The following FAT4 variants were observed in gnomAD, a reference collection of about 807,000 sequenced individuals.
The protein encoded by FAT4 is protocadherin Fat 4.
Under a neutral mutation model 303.9 loss-of-function variants are expected in FAT4, and 84 were observed. The ratio of observed to expected loss-of-function variants is 0.28; its 90% confidence interval spans 0.23 to 0.33. FAT4 has a LOEUF of 0.33. FAT4 is among the 10% of genes least tolerant of loss of function. The probability of loss-of-function intolerance (pLI) is 1.00; values close to 1 mark genes in which losing one functional copy is unlikely to be tolerated. For missense variants in FAT4, 6,005 were observed against 6,146.8 expected (o/e 0.98, Z 0.77); for synonymous variants, 2,307 against 2,298.8 (o/e 1.00, Z -0.10).
chr4:125,317,088 G>A lies in FAT4; in HGVS notation c.677G>A (p.Gly226Asp). The change falls in exon 2 of 18, where the codon GGT (glycine) becomes GAT (aspartate). Residue 226 changes from glycine (G) to aspartate (D), a missense_variant. Transcript: ENST00000394329. The surrounding 1 kb of genome is among the most constrained non-coding windows in gnomAD (Gnocchi z 7.0). ...YQLLVEVEDKGEPKRRGYLQV... is the reference protein window; with the variant it reads ...YQLLVEVEDKDEPKRRGYLQV... The stretch of plus-strand genomic sequence containing the variant: ...CTCCTGGTTGAGGTGGAGGACAAGG[G>A]TGAGCCTAAGCGGCGGGGCTACCTT... The A allele has an allele frequency of 6.2e-7, 1 of 1,613,978 alleles. No homozygotes were observed. Among genetic ancestry groups the A allele is most frequent in the South Asian group, 1.1e-5 (1 of 91,084 alleles).
Position 125,414,879 on chromosome 4 carries a change from T to C in FAT4, c.5921-5T>C, listed in dbSNP as rs1182128871. 1 of 1,567,624 alleles carries C rather than the reference T, an allele frequency of 6.4e-7. No individual in the cohort carries two copies. Among genetic ancestry groups the C allele is most frequent in the Non-Finnish European group, 8.7e-7 (1 of 1,153,822 alleles). ...AAGAAAATTTTTTCTTCCCTTTAATTTCAGGCATCAACTCTCAATTGACTT... is the reference window on the plus strand; with the variant it reads ...AAGAAAATTTTTTCTTCCCTTTAATCTCAGGCATCAACTCTCAATTGACTT... On this transcript the variant is annotated splice_region_variant and splice_polypyrimidine_tract_variant and intron_variant, in intron 5 of 17. Coordinates refer to ENST00000394329, the MANE Select transcript of FAT4 (RefSeq NM_001291303.3).
At chr4:125,382,850 T>C (rs1733594128) in intron 2 of FAT4, among the ~76,000 whole-genome samples, 1 of 152,238 alleles carries the variant, frequency 6.6e-6, no homozygotes, top group Non-Finnish European at 1.5e-5. Flanking sequence ...TCTTGCAGCT[T>C]GTACATCAGC....
At chr4:125,464,787 G>A (rs1171786426) in intron 11 of FAT4, among the ~76,000 whole-genome samples, 1 of 151,940 alleles carries the variant, frequency 6.6e-6, no homozygotes, top group Non-Finnish European at 1.5e-5. Context: ...TTGTCCTTGC[G>A]ATAGTTTGCT....
chr4:125,466,941 AT>A (rs1185770998), intron 11 of FAT4, among the ~76,000 whole-genome samples: 72 of 150,302 alleles, frequency 4.8e-4, no homozygotes, highest in East Asian at 1.4e-3. Context: ...TGCCCGGCTA[AT>A]TTTTTTTTGT....
intron 2 of FAT4, among the ~76,000 whole-genome samples, chr4:125,358,597 C>CA (rs1732527481): frequency 6.6e-6 from 1 of 152,074 alleles, no homozygotes; most frequent in Non-Finnish European, 1.5e-5. Flanking sequence ...GCTGATCTGA[C>CA]AGGAGGCAGA....
chr4:125,364,547 A>T (rs532442405), intron 2 of FAT4, among the ~76,000 whole-genome samples: 95 of 152,166 alleles, frequency 6.2e-4, no homozygotes, highest in Non-Finnish European at 1.0e-3. Flanking sequence ...GAGTCACTAA[A>T]GGAGTCTCGG....
chr4:125,395,491 G>C (rs534835597), intron 2 of FAT4, among the ~76,000 whole-genome samples: 1 of 152,160 alleles, frequency 6.6e-6, no homozygotes, highest in South Asian at 2.1e-4. Flanking sequence ...TGTATTTTCA[G>C]TAGTGATGGG....
chr4:125,340,266 A>G (rs2125967261), intron 2 of FAT4, among the ~76,000 whole-genome samples: 1 of 152,322 alleles, frequency 6.6e-6, no homozygotes, highest in South Asian at 2.1e-4. Context: ...TTAGGTGGAT[A>G]TTTATTTAAA....
Position 125,326,051 on chromosome 4 carries a change from G to A in FAT4, c.5175+4465G>A, listed in dbSNP as rs76824261. On this transcript the variant is annotated intron_variant, in intron 2 of 17. Transcript: ENST00000394329. ...CCATTGGTGTGGGTAGTGAGATTTT[G>A]GCAGTTCAGTTAACAACCAGGAAAA... Among the ~76,000 whole-genome samples, 1,673 of 151,992 alleles carry A rather than the reference G, an allele frequency of 0.011. 111 individuals carry two copies. The East Asian group carries it at 0.16, about 14-fold the overall frequency.
Position 125,452,275 on chromosome 4 carries a change from A to G in FAT4, c.11265A>G (p.Ala3755=). The change falls in exon 10 of 18, where the codon GCA becomes GCG. Residue 3755 remains alanine (A), a synonymous_variant. Transcript: ENST00000394329. ...GLGTAVQLYS[A]YEENNRTFLL... ...GGACTGCTGTGCAACTGTACAGTGCATATGAAGAGAACAATAGAACGTTTC... is the reference window on the plus strand; with the variant it reads ...GGACTGCTGTGCAACTGTACAGTGCGTATGAAGAGAACAATAGAACGTTTC... 2 of 1,614,266 alleles carry G rather than the reference A, an allele frequency of 1.2e-6. No homozygotes were observed. Among genetic ancestry groups the G allele is most frequent in the Non-Finnish European group, 1.7e-6 (2 of 1,180,040 alleles).
At chr4:125,489,059 A>C (rs1348104543) in intron 17 of FAT4, among the ~76,000 whole-genome samples, 2 of 152,210 alleles carry the variant, frequency 1.3e-5, no homozygotes, top group Non-Finnish European at 2.9e-5. Context: ...AGAGGAAAAA[A>C]ATGCATGTGA....
intron 8 of FAT4, among the ~76,000 whole-genome samples, chr4:125,436,671 CAAAATCACGTCT>C (rs1034974777): frequency 5.3e-5 from 8 of 152,020 alleles, no homozygotes; most frequent in Non-Finnish European, 7.4e-5. Flanking sequence ...TGAGGAAGAG[CAAAATCACGTCT>C]TACATGGTAG....
At chr4:125,378,244 A>G (rs752399673) in intron 2 of FAT4, among the ~76,000 whole-genome samples, 1 of 152,156 alleles carries the variant, frequency 6.6e-6, no homozygotes, top group Non-Finnish European at 1.5e-5. Context: ...CCCAATATAA[A>G]GAATAGCTTT....
intron 7 of FAT4, among the ~76,000 whole-genome samples, chr4:125,431,944 C>G (rs1174432787): frequency 6.6e-6 from 1 of 152,140 alleles, no homozygotes; most frequent in Non-Finnish European, 1.5e-5. Flanking sequence ...GTGAAACACA[C>G]ATTCAAGAAA....
At chr4:125,429,223 A>G (rs1415772985) in intron 7 of FAT4, among the ~76,000 whole-genome samples, 1 of 152,232 alleles carries the variant, frequency 6.6e-6, no homozygotes, top group African/African-American at 2.4e-5. Flanking sequence ...TATTTCTAGA[A>G]GTGTTCAATT....
At chr4:125,446,170 A>T in intron 8 of FAT4, 123 bp from the exon 9 acceptor site, 1 of 799,872 alleles carries the variant, frequency 1.3e-6, no homozygotes, top group Non-Finnish European at 1.9e-6. Context: ...TCTTTCCAAC[A>T]TTGTTGTATG....
chr4:125,489,868 T>TTTTTTC (rs1727547118), intron 17 of FAT4, 33 bp from the exon 18 acceptor site: 3 of 1,004,904 alleles, frequency 3.0e-6, no homozygotes, highest in Non-Finnish European at 3.9e-6. Context: ...TTTTTTTTTT[T>TTTTTTC]GTAAAAAGCC....
chr4:125,399,213 T>C (rs770947051), intron 3 of FAT4, among the ~76,000 whole-genome samples: 5 of 152,118 alleles, frequency 3.3e-5, no homozygotes, highest in Non-Finnish European at 7.4e-5. Context: ...ATCTCTATTT[T>C]ATGCCATTAT....
chr4:125,360,705 T>C (rs1011118157), intron 2 of FAT4, among the ~76,000 whole-genome samples: 82 of 152,116 alleles, frequency 5.4e-4, no homozygotes, highest in African/African-American at 1.9e-3. Context: ...ATTGTAGTCA[T>C]CCCCCTGACT....
Sources: gnomAD v4.1 joint callset for allele counts (sites outside exome capture counted in the v4.1 genomes callset) on GRCh38, gnomAD v4.1.1 for gene constraint, Gnocchi (gnomAD v3.1) non-coding constraint, MANE v1.5 for transcripts, NCBI Gene and HGNC (gene_info 2026-07-23, HGNC 2026-07-21) for gene names.